Variants in CDH12 observed in about 807,000 individuals in gnomAD.
CDH12 encodes cadherin 12, also known as cadherin-12.
In CDH12, 41 loss-of-function variants were observed where a neutral mutation model predicts 74.1. That is an observed-to-expected ratio of 0.55 (90% confidence interval 0.43 to 0.72). The LOEUF (loss-of-function observed/expected upper bound fraction) is 0.72. Ranked by LOEUF, CDH12 falls within the 30% of genes least tolerant of loss-of-function variation. The pLI, the probability that CDH12 is intolerant of heterozygous loss-of-function variation, is 0.00. For synonymous variants in CDH12, 399 were observed against 355.0 expected (o/e 1.12, Z -1.39); for missense variants, 945 against 977.2 (o/e 0.97, Z 0.44).
Position 22,376,621 on chromosome 5 carries a change from G to A in CDH12, c.-333+28636C>T, listed in dbSNP as rs59014339. On this transcript the variant is annotated intron_variant, in intron 3 of 14. Transcript: ENST00000382254. ...TGCCTCAACCTCCTAGGCTCAAACCGTCCTCCCACCTCAGCCTTATGAATA... is the reference window on the plus strand; with the variant it reads ...TGCCTCAACCTCCTAGGCTCAAACCATCCTCCCACCTCAGCCTTATGAATA... Among the ~76,000 whole-genome samples, 1,341 of 150,774 alleles carry A rather than the reference G, an allele frequency of 8.9e-3. 20 individuals are homozygous for A. Among genetic ancestry groups the A allele is most frequent in the African/African-American group, 0.03 (1,243 of 41,086 alleles).
rs1276351089 is a variant in CDH12 at position 21,877,437 on chromosome 5, C to T, written c.527-22647G>A. Reference sequence around the variant, plus strand: ...TTATCTATTTATTTATTTATGGAATCTCAGAACCTACAACAGAGCTTGGTA... The same window carrying T: ...TTATCTATTTATTTATTTATGGAATTTCAGAACCTACAACAGAGCTTGGTA... On this transcript the variant is annotated intron_variant, in intron 6 of 14. Transcript: ENST00000382254. 2.6e-5 allele frequency among the ~76,000 whole-genome samples: 4 copies of T among 152,024 alleles called. No individual in the cohort carries two copies. The South Asian group carries it at 8.3e-4, about 32-fold the overall frequency.
chr5:22,065,204 G>C (rs1443591545), intron 5 of CDH12, among the ~76,000 whole-genome samples: 2 of 152,102 alleles, frequency 1.3e-5, no homozygotes, highest in African/African-American at 2.4e-5. Context: ...CCAAGTCTTT[G>C]CATGGCCCTG....
At chr5:22,129,253 T>G (rs1236259138) in intron 4 of CDH12, among the ~76,000 whole-genome samples, 1 of 152,228 alleles carries the variant, frequency 6.6e-6, no homozygotes, top group African/African-American at 2.4e-5. Context: ...ATGTAACACC[T>G]CTGAGTTTCC....
chr5:21,842,489 A>G (rs920932737), intron 7 of CDH12, among the ~76,000 whole-genome samples, 161 bp from the exon 8 acceptor site: 2 of 152,196 alleles, frequency 1.3e-5, no homozygotes, highest in African/African-American at 4.8e-5. Context: ...AAAATGTCCA[A>G]TGGTTAGGAC....
In CDH12 at chr5:22,672,547, A is replaced by T. The variant is rs34401909; in HGVS notation, c.-522-167183T>A. On this transcript the variant is annotated intron_variant, in intron 1 of 14. Transcript: ENST00000382254. ...TTTGTCTCCTGTGCTTGCTTCCACC[A>T]TCCACCCTTCTGCCATGGGATGATT... 3.2e-3 allele frequency among the ~76,000 whole-genome samples: 481 copies of T among 151,900 alleles called. 4 individuals carry two copies. Among genetic ancestry groups the T allele is most frequent in the African/African-American group, 0.011 (462 of 41,424 alleles).
chr5:22,614,926 G>C (rs1260469149), intron 1 of CDH12, among the ~76,000 whole-genome samples: 2 of 152,076 alleles, frequency 1.3e-5, no homozygotes, highest in Non-Finnish European at 2.9e-5. Flanking sequence ...CATGGGTAGG[G>C]AGGTTTGACA....
Position 22,058,735 on chromosome 5 carries a change from GA to G in CDH12, c.231+19710del, listed in dbSNP as rs200879677. ...AAAGAAAGAAAGAAAGAGAAAGAAA[GA>G]AAAAAAGGAAGGAAAGTGGAAGGAA... On this transcript the variant is annotated intron_variant, in intron 5 of 14. Coordinates refer to ENST00000382254, the MANE Select transcript of CDH12 (RefSeq NM_004061.5). Among the ~76,000 whole-genome samples the G allele has an allele frequency of 9.1e-3, 1,012 of 111,792 alleles. 14 individuals are homozygous for G. The highest frequency in any genetic ancestry group is 0.031 in the African/African-American group (955 of 30,400). 73.3% of individuals were successfully genotyped at this position (111,792 alleles called of 152,430 possible).
chr5:22,608,911 C>G (rs148460342), intron 1 of CDH12, among the ~76,000 whole-genome samples: 151 of 152,270 alleles, frequency 9.9e-4, no homozygotes, highest in Middle Eastern at 3.4e-3. Flanking sequence ...TTATAAATTT[C>G]CCAGTCTCAG....
chr5:21,827,941 C>A (rs1190311544), intron 8 of CDH12, among the ~76,000 whole-genome samples: 2 of 152,020 alleles, frequency 1.3e-5, no homozygotes, highest in Non-Finnish European at 2.9e-5. Context: ...AATATTTAAA[C>A]CTTTGTTTAT....
chr5:21,874,369 G>A (rs893381580), intron 6 of CDH12, among the ~76,000 whole-genome samples: 6 of 152,132 alleles, frequency 3.9e-5, no homozygotes, highest in African/African-American at 1.2e-4. Context: ...AGCCTAGCTG[G>A]GAAGGTGACC....
chr5:22,836,255 G>A (rs987404527), intron 1 of CDH12, among the ~76,000 whole-genome samples: 2 of 25,732 alleles, frequency 7.8e-5, no homozygotes, highest in African/African-American at 2.4e-4. Context: ...ACAGAGTCTC[G>A]CTCTGTTGTC....
At chr5:22,152,940 A>G (rs1004599796) in intron 4 of CDH12, among the ~76,000 whole-genome samples, 1 of 152,116 alleles carries the variant, frequency 6.6e-6, no homozygotes, top group Non-Finnish European at 1.5e-5. Flanking sequence ...CCCTAGGTTC[A>G]TGTCCTTTTT....
intron 4 of CDH12, among the ~76,000 whole-genome samples, chr5:22,109,254 C>T (rs1369948975): frequency 2.0e-5 from 3 of 152,166 alleles, no homozygotes; most frequent in Non-Finnish European, 4.4e-5. Context: ...AATTCTTTCA[C>T]TGGAGCGAAG....
At chr5:22,028,326 T>C (rs1738532150) in intron 5 of CDH12, among the ~76,000 whole-genome samples, 1 of 152,160 alleles carries the variant, frequency 6.6e-6, no homozygotes, top group African/African-American at 2.4e-5. Context: ...AAATTGTCCC[T>C]GTTTGCAGAT....
At chr5:21,980,646 G>T (rs546426517) in intron 5 of CDH12, among the ~76,000 whole-genome samples, 17 of 152,140 alleles carry the variant, frequency 1.1e-4, no homozygotes, top group African/African-American at 4.1e-4. Context: ...GTTTATTTTT[G>T]TGTATGTGTG....
intron 5 of CDH12, among the ~76,000 whole-genome samples, chr5:22,067,821 A>G (rs1209185677): frequency 6.6e-6 from 1 of 152,088 alleles, no homozygotes; most frequent in East Asian, 1.9e-4. Context: ...TCTACTAAAA[A>G]TACAAAATTA....
chr5:22,613,862 G>T (rs1737546447), intron 1 of CDH12, among the ~76,000 whole-genome samples: 1 of 152,100 alleles, frequency 6.6e-6, no homozygotes, highest in African/African-American at 2.4e-5. Flanking sequence ...CCAAATGCTA[G>T]ATTGTAGCTA....
intron 1 of CDH12, among the ~76,000 whole-genome samples, chr5:22,529,579 T>C (rs1462480638): frequency 1.3e-5 from 2 of 152,136 alleles, no homozygotes; most frequent in East Asian, 1.9e-4. Flanking sequence ...CATTATGGAA[T>C]GCAATTTGCT....
chr5:22,071,226 T>C (rs1741922698), intron 5 of CDH12, among the ~76,000 whole-genome samples: 1 of 152,090 alleles, frequency 6.6e-6, no homozygotes, highest in Admixed American at 6.6e-5. Flanking sequence ...ATACATGTCT[T>C]GTTTGTTCTG....
Sources: allele counts gnomAD v4.1 joint callset (sites outside exome capture counted in the v4.1 genomes callset), GRCh38; gene constraint gnomAD v4.1.1; transcripts MANE v1.5; gene names NCBI Gene and HGNC (gene_info 2026-07-23, HGNC 2026-07-21).